The following COMMD10 variants were observed in gnomAD, a reference collection of about 807,000 sequenced individuals.
COMMD10 encodes the protein COMM domain-containing protein 10.
Under a neutral mutation model 28.9 loss-of-function variants are expected in COMMD10, and 33 were observed. The observed-to-expected ratio is 1.14, with a 90% confidence interval of 0.87 to 1.53. The LOEUF is 1.53. Among genes scored for constraint, COMMD10 ranks in the 40% most tolerant of loss-of-function variants. COMMD10 has a pLI of 0.00. For synonymous variants in COMMD10, 110 were observed against 81.7 expected, an observed-to-expected ratio of 1.35 and a Z score of -1.87; for missense variants, 310 against 233.4, an observed-to-expected ratio of 1.33 and a Z score of -2.14.
intron 4 of COMMD10, among the ~76,000 whole-genome samples, chr5:116,104,162 G>GT (rs1433730878): frequency 4.6e-5 from 7 of 152,138 alleles, no homozygotes; most frequent in Non-Finnish European, 7.4e-5. Context: ...ATTTAAAGTA[G>GT]TTTTTTTCCA....
intron 5 of COMMD10, among the ~76,000 whole-genome samples, chr5:116,181,189 T>C (rs1747946114): frequency 6.6e-6 from 1 of 152,060 alleles, no homozygotes; most frequent in South Asian, 2.1e-4. Flanking sequence ...TGCTGTACTT[T>C]CATTTTAATT....
intron 5 of COMMD10, among the ~76,000 whole-genome samples, chr5:116,246,234 A>G (rs959286742): frequency 1.3e-5 from 2 of 152,024 alleles, no homozygotes; most frequent in East Asian, 3.9e-4. Context: ...CCCATTCACA[A>G]TGGCCACAAA....
In COMMD10 at chr5:116,085,076, CCT is replaced by C; in HGVS notation, c.25_26del (p.Leu9ThrfsTer37). ...AGATGGCGGTCCCCGCGGCGCTGAT[CCT>C]ACGGGAGAGCCCCAGGTAGCTGATC... The part of the protein sequence containing the change: MAVPAALI[L>X]RESPSMKKAV... On this transcript the variant is annotated frameshift_variant, in exon 1 of 7. Transcript: ENST00000274458. LOFTEE classifies it high-confidence loss of function. The C allele has an allele frequency of 6.2e-7, 1 of 1,610,338 alleles. No homozygotes were observed. The highest frequency in any genetic ancestry group is 8.5e-7 in the Non-Finnish European group (1 of 1,179,112).
intron 5 of COMMD10, among the ~76,000 whole-genome samples, chr5:116,191,707 C>G (rs1748376223): frequency 6.6e-6 from 1 of 151,916 alleles, no homozygotes; most frequent in South Asian, 2.1e-4. Flanking sequence ...TCCCTACCCA[C>G]CCTAGTAGCG....
At chr5:116,219,606 T>C (rs1749193323) in intron 5 of COMMD10, among the ~76,000 whole-genome samples, 1 of 152,130 alleles carries the variant, frequency 6.6e-6, no homozygotes, top group South Asian at 2.1e-4. Flanking sequence ...AAAAAGCAGA[T>C]TTCCAAGAGG....
chr5:116,112,806 T>A (rs1751097541), intron 4 of COMMD10, among the ~76,000 whole-genome samples: 1 of 152,230 alleles, frequency 6.6e-6, no homozygotes, highest in South Asian at 2.1e-4. Context: ...ATTGTTTTTT[T>A]CATCATTTTG....
chr5:116,193,831 G>C (rs1352133984), intron 5 of COMMD10, among the ~76,000 whole-genome samples: 3 of 152,098 alleles, frequency 2.0e-5, no homozygotes, highest in African/African-American at 4.8e-5. Context: ...GATACATGCA[G>C]AACATTTTAT....
At chr5:116,242,466 G>A (rs1243500859) in intron 5 of COMMD10, among the ~76,000 whole-genome samples, 1 of 152,130 alleles carries the variant, frequency 6.6e-6, no homozygotes, top group Non-Finnish European at 1.5e-5. Context: ...GCAACCCTGA[G>A]GGTTTGACAT....
intron 4 of COMMD10, among the ~76,000 whole-genome samples, chr5:116,104,258 A>G (rs753186797): frequency 1.1e-4 from 17 of 152,168 alleles, no homozygotes; most frequent in Non-Finnish European, 2.2e-4. Context: ...TTTTCACGAT[A>G]TTGATTCTTC....
chr5:116,212,735 T>C (rs1167300812), intron 5 of COMMD10, among the ~76,000 whole-genome samples: 3 of 152,118 alleles, frequency 2.0e-5, no homozygotes, highest in Admixed American at 6.6e-5. Flanking sequence ...TTTTAATGGT[T>C]TGCTTCAACT....
intron 5 of COMMD10, among the ~76,000 whole-genome samples, chr5:116,289,876 C>G (rs1751319840): frequency 6.6e-6 from 1 of 151,874 alleles, no homozygotes; most frequent in African/African-American, 2.4e-5. Context: ...AACTTGGTAC[C>G]TTAGTGGTGG....
At chr5:116,202,811 G>A (rs373105134) in intron 5 of COMMD10, among the ~76,000 whole-genome samples, 5 of 151,464 alleles carry the variant, frequency 3.3e-5, no homozygotes, top group Non-Finnish European at 5.9e-5. Context: ...AGTAGGTTGC[G>A]AAAATTTTCT....
chr5:116,271,692 G>C (rs1163243706), intron 5 of COMMD10, among the ~76,000 whole-genome samples: 1 of 151,854 alleles, frequency 6.6e-6, no homozygotes, highest in African/African-American at 2.4e-5. Context: ...CTACTTGGAA[G>C]AGTTTGATTT....
At chr5:116,251,751 C>T (rs904796654) in intron 5 of COMMD10, among the ~76,000 whole-genome samples, 1 of 151,956 alleles carries the variant, frequency 6.6e-6, no homozygotes, top group Non-Finnish European at 1.5e-5. Flanking sequence ...CCACAATAAA[C>T]ATACGTGTGC....
chr5:116,149,854 A>G (rs1288941373), intron 5 of COMMD10, among the ~76,000 whole-genome samples: 4 of 149,314 alleles, frequency 2.7e-5, no homozygotes, highest in African/African-American at 9.8e-5. Flanking sequence ...GAAGCTCTTT[A>G]GTTTAATTAG....
At chr5:116,283,348 C>T (rs1478224864) in intron 5 of COMMD10, among the ~76,000 whole-genome samples, 1 of 150,282 alleles carries the variant, frequency 6.7e-6, no homozygotes, top group Non-Finnish European at 1.5e-5. Context: ...CACAAAATAA[C>T]AACTTTTTTT....
intron 5 of COMMD10, among the ~76,000 whole-genome samples, chr5:116,210,015 C>T (rs1748917959): frequency 6.6e-6 from 1 of 152,122 alleles, no homozygotes; most frequent in Non-Finnish European, 1.5e-5. Flanking sequence ...CTTGCTGCAT[C>T]ATTATGTGGC....
intron 5 of COMMD10, among the ~76,000 whole-genome samples, chr5:116,156,057 T>A (rs181956930): frequency 5.9e-4 from 90 of 152,236 alleles, no homozygotes; most frequent in East Asian, 2.5e-3. Context: ...TGCTTAGACT[T>A]TGTTACTAAA....
chr5:116,152,990 C>T (rs1487191406), intron 5 of COMMD10, among the ~76,000 whole-genome samples: 2 of 152,098 alleles, frequency 1.3e-5, no homozygotes, highest in Middle Eastern at 3.4e-3. Context: ...GCTACCCACT[C>T]AGGTATTTTA....
Sources: gnomAD v4.1 joint callset for allele counts (sites outside exome capture counted in the v4.1 genomes callset) on GRCh38, gnomAD v4.1.1 for gene constraint, MANE v1.5 for transcripts, NCBI Gene and HGNC (gene_info 2026-07-23, HGNC 2026-07-21) for gene names.